ARHGEF18: variants seen among roughly 807,000 people sequenced by gnomAD.
ARHGEF18 encodes the protein Rho/Rac guanine nucleotide exchange factor 18.
Under a neutral mutation model 155.7 loss-of-function variants are expected in ARHGEF18, and 93 were observed. The ratio of observed to expected loss-of-function variants is 0.60; its 90% CI spans 0.50 to 0.71. ARHGEF18 has a LOEUF of 0.71. ARHGEF18 is among the 30% of genes least tolerant of loss of function. ARHGEF18 has a pLI of 0.00. For synonymous variants in ARHGEF18, 742 were observed against 753.1 expected (o/e 0.99, Z 0.24); for missense variants, 1,593 against 1,816.1 (o/e 0.88, Z 2.23).
chr19:7,467,916 A>C (rs1036748114), intron 26 of ARHGEF18, among the ~76,000 whole-genome samples: 4 of 120,664 alleles, frequency 3.3e-5, no homozygotes, highest in African/African-American at 1.7e-4. Flanking sequence ...AATGTTAGAA[A>C]CTTCTTAAAA....
intron 8 of ARHGEF18, among the ~76,000 whole-genome samples, chr19:7,382,565 A>G (rs1245684346): frequency 6.6e-6 from 1 of 152,134 alleles, no homozygotes; most frequent in Non-Finnish European, 1.5e-5. Context: ...TTCCCTCTGT[A>G]AACCCAGTCC....
At chr19:7,446,043 A>T (rs1257819665) in intron 14 of ARHGEF18, among the ~76,000 whole-genome samples, 1 of 152,082 alleles carries the variant, frequency 6.6e-6, no homozygotes, top group Non-Finnish European at 1.5e-5. Flanking sequence ...TTTCACCTTT[A>T]TGACACCTTG....
chr19:7,463,480 C>G lies in ARHGEF18; in HGVS notation c.2636-338C>G, dbSNP rs370518286. On this transcript the variant is annotated intron_variant, in intron 21 of 28. Coordinates refer to ENST00000668164, the MANE Select transcript of ARHGEF18 (RefSeq NM_001367823.1). This position sits in a 1 kb window ranked among gnomAD's most constrained non-coding sequence, Gnocchi z 5.2. ...CATATAACACACCAAGTGTTTCCTG[C>G]TGGCCCTGGGCAGGGCCACATCCAG... Among the ~76,000 whole-genome samples, 35 of 152,204 alleles carry G rather than the reference C, an allele frequency of 2.3e-4. No individual in the cohort carries two copies. The highest frequency in any genetic ancestry group is 7.0e-4 in the African/African-American group (29 of 41,456).
At chr19:7,438,433 CAG>C (rs749678324) in intron 10 of ARHGEF18, among the ~76,000 whole-genome samples, 1 of 143,424 alleles carries the variant, frequency 7.0e-6, no homozygotes, top group Non-Finnish European at 1.5e-5. Context: ...ATTTTTGAGA[CAG>C]AGTTTCACTC....
At chr19:7,424,120 G>A (rs577274171) in intron 10 of ARHGEF18, among the ~76,000 whole-genome samples, 15 of 151,994 alleles carry the variant, frequency 9.9e-5, no homozygotes, top group South Asian at 2.1e-4. Context: ...TCCACCTCCC[G>A]GGTTCAAGCG....
Position 7,470,194 on chromosome 19 carries a change from G to A in ARHGEF18, c.3982G>A (p.Gly1328Arg), listed in dbSNP as rs143702386. ...CTCCGAGGGCTTCTCTCTCAAGGCC[G>A]GGGGCACAGCCCTCCTGCCCGGGCC... ...SPSEGFSLKA[G>R]GTALLPGPPA... The change falls in exon 29 of 29, where the codon GGG becomes AGG. Residue 1328 changes from glycine (G) to arginine (R), a missense_variant. Transcript: ENST00000668164. This position sits in a 1 kb window ranked among gnomAD's most constrained non-coding sequence, Gnocchi z 5.9. 597 of 1,611,256 alleles carry A rather than the reference G, an allele frequency of 3.7e-4. 1 individual carries two copies. The highest frequency in any genetic ancestry group is 4.7e-4 in the Non-Finnish European group (555 of 1,179,296).
At chr19:7,453,757 G>A in intron 17 of ARHGEF18, 42 bp downstream of exon 17, 1 of 1,507,354 alleles carries the variant, frequency 6.6e-7, no homozygotes, top group Non-Finnish European at 8.9e-7. Context: ...GTGCCATCTT[G>A]GATCAGTGGG....
chr19:7,382,310 C>G (rs559760914), intron 8 of ARHGEF18, among the ~76,000 whole-genome samples: 3 of 151,990 alleles, frequency 2.0e-5, no homozygotes, highest in Non-Finnish European at 4.4e-5. Flanking sequence ...GCATGAGAAT[C>G]GCTTGAACCT....
chr19:7,349,879 A>G (rs989778500), intron 1 of ARHGEF18, among the ~76,000 whole-genome samples: 3 of 152,152 alleles, frequency 2.0e-5, no homozygotes, highest in Non-Finnish European at 4.4e-5. Context: ...CTTAAACTGC[A>G]GATTCCGGGC....
chr19:7,442,891 C>T (rs1170559927), intron 13 of ARHGEF18, among the ~76,000 whole-genome samples: 1 of 151,820 alleles, frequency 6.6e-6, no homozygotes, highest in Non-Finnish European at 1.5e-5. Flanking sequence ...TTTCTCAGGT[C>T]CTCTTTTTTC....
intron 10 of ARHGEF18, among the ~76,000 whole-genome samples, chr19:7,418,403 C>T (rs1326438717): frequency 6.6e-6 from 1 of 152,112 alleles, no homozygotes; most frequent in African/African-American, 2.4e-5. Context: ...GGAGCACAGG[C>T]GTGCACCATG....
intron 27 of ARHGEF18, among the ~76,000 whole-genome samples, chr19:7,469,440 GCCGGGA>G (rs1976875134): frequency 6.6e-6 from 1 of 152,192 alleles, no homozygotes; most frequent in African/African-American, 2.4e-5. Context: ...GATCAGCACA[GCCGGGA>G]CAGGGACAGG....
At chr19:7,460,914 G>C (rs534025698) in intron 20 of ARHGEF18, among the ~76,000 whole-genome samples, 1 of 151,428 alleles carries the variant, frequency 6.6e-6, no homozygotes, top group South Asian at 2.1e-4. Flanking sequence ...TCAGCCTCCC[G>C]AGTAGCTGGG....
downstream of ARHGEF18, among the ~76,000 whole-genome samples, chr19:7,474,983 CA>C (rs1356608922): frequency 6.6e-6 from 1 of 152,046 alleles, no homozygotes; most frequent in East Asian, 1.9e-4. Flanking sequence ...CCTATAATCC[CA>C]GCACTTTGGG....
downstream of ARHGEF18, among the ~76,000 whole-genome samples, chr19:7,474,383 A>T (rs1335486639): frequency 6.6e-6 from 1 of 151,836 alleles, no homozygotes; most frequent in Middle Eastern, 3.2e-3. Context: ...TTACATTTTT[A>T]TTTATTTTTT....
intron 1 of ARHGEF18, among the ~76,000 whole-genome samples, chr19:7,362,084 A>G (rs1600183259): frequency 5.3e-4 from 8 of 14,960 alleles, no homozygotes; most frequent in African/African-American, 3.0e-3. Context: ...AAGGAGAAGG[A>G]GAAGGAGAAG....
rs1970830076 is a variant in ARHGEF18 at position 7,383,212 on chromosome 19, GGT to G, written c.967+11_967+12del. 2 of 1,232,272 alleles carry G rather than the reference GGT, an allele frequency of 1.6e-6. No individual in the cohort carries two copies. Among genetic ancestry groups the G allele is most frequent in the African/African-American group, 3.1e-5 (2 of 64,416 alleles). 76.3% of individuals were successfully genotyped at this position (1,232,272 alleles called of 1,614,324 possible). ...ACCTTTCTTGAGCTCAGGTAAGTCTGGTGGCCCAATCCATCCTCCTGGAGGGC... is the reference window on the plus strand; with the variant it reads ...ACCTTTCTTGAGCTCAGGTAAGTCTGGGCCCAATCCATCCTCCTGGAGGGC... On this transcript the variant is annotated intron_variant, in intron 10 of 28. Coordinates refer to ENST00000668164, the MANE Select transcript of ARHGEF18 (RefSeq NM_001367823.1).
intron 1 of ARHGEF18, among the ~76,000 whole-genome samples, chr19:7,353,957 T>TAAAA (rs587629242): frequency 7.3e-6 from 1 of 136,314 alleles, no homozygotes; most frequent in African/African-American, 2.7e-5. Context: ...AGACTCTGTC[T>TAAAA]AAAAAAAAAA....
intron 20 of ARHGEF18, among the ~76,000 whole-genome samples, chr19:7,461,636 C>T (rs887696801): frequency 2.6e-5 from 4 of 152,112 alleles, no homozygotes; most frequent in Admixed American, 2.6e-4. Flanking sequence ...AATAAATGGG[C>T]CTGATACAAT....
Sources: allele counts gnomAD v4.1 joint callset (sites outside exome capture counted in the v4.1 genomes callset), GRCh38; gene constraint gnomAD v4.1.1; non-coding constraint Gnocchi (gnomAD v3.1); transcripts MANE v1.5; gene names NCBI Gene and HGNC (gene_info 2026-07-23, HGNC 2026-07-21).